Variants in PTPN4 observed in about 807,000 individuals in gnomAD.
PTPN4 encodes the protein protein tyrosine phosphatase non-receptor type 4, also known as tyrosine-protein phosphatase non-receptor type 4.
A neutral mutation model predicts 135.5 loss-of-function variants in PTPN4; 49 were observed. The observed-to-expected ratio is 0.36, with a 90% CI of 0.29 to 0.46. PTPN4 has a LOEUF of 0.46. PTPN4 is among the 20% of genes least tolerant of loss of function. The pLI is 1.00. For missense variants in PTPN4, 860 were observed against 1,101.0 expected (o/e 0.78, Z 3.10); for synonymous variants, 333 against 369.9 (o/e 0.90, Z 1.14).
intron 8 of PTPN4, 97 bp downstream of exon 8, chr2:119,882,720 G>A: frequency 2.0e-6 from 2 of 999,114 alleles, no homozygotes; most frequent in South Asian, 2.1e-5. Context: ...ATTTAATATA[G>A]AACAATTACT....
chr2:119,912,610 C>CA lies in PTPN4; in HGVS notation c.765-2561dup, dbSNP rs199723262. On this transcript the variant is annotated intron_variant, in intron 10 of 26. Coordinates refer to ENST00000263708, the MANE Select transcript of PTPN4 (RefSeq NM_002830.4). ...GAAACAGAAAACTTTGGACAAGTAG[C>CA]AAAAAAAATTATGGTAGAGATAAAT... Among the ~76,000 whole-genome samples, 389 of 151,144 alleles carry CA rather than the reference C, an allele frequency of 2.6e-3. 1 individual carries two copies. Among genetic ancestry groups the CA allele is most frequent in the East Asian group, 0.013 (68 of 5,152 alleles).
At chr2:119,846,098 A>G (rs1677495067) in intron 2 of PTPN4, among the ~76,000 whole-genome samples, 1 of 152,148 alleles carries the variant, frequency 6.6e-6, no homozygotes, top group Non-Finnish European at 1.5e-5. Flanking sequence ...GGTTTATTTC[A>G]TGGCCTACCA....
At chr2:119,879,449 G>A (rs72969197) in intron 5 of PTPN4, among the ~76,000 whole-genome samples, 3,855 of 152,274 alleles carry the variant, frequency 0.025, 166 homozygotes, top group African/African-American at 0.087. Flanking sequence ...TGGGGTAAAT[G>A]TCTAGTTTTT....
intron 1 of PTPN4, among the ~76,000 whole-genome samples, chr2:119,774,556 A>G (rs1442223009): frequency 1.3e-5 from 2 of 152,228 alleles, no homozygotes; most frequent in Non-Finnish European, 2.9e-5. Context: ...ATTTGAGTAA[A>G]AGCAAAGTCA....
chr2:119,770,358 T>C (rs1278574876), intron 1 of PTPN4, among the ~76,000 whole-genome samples: 3 of 152,234 alleles, frequency 2.0e-5, no homozygotes, highest in Non-Finnish European at 2.9e-5. Flanking sequence ...TTTAAAATTG[T>C]ATTTAAATTG....
intron 5 of PTPN4, among the ~76,000 whole-genome samples, chr2:119,879,643 A>G (rs984782131): frequency 1.3e-5 from 2 of 152,224 alleles, no homozygotes; most frequent in Non-Finnish European, 2.9e-5. Context: ...TGATTCTAAT[A>G]TATAGCCAAG....
intron 26 of PTPN4, among the ~76,000 whole-genome samples, chr2:119,973,652 C>CTTTTTTTTTTTTTTTTTTTTT (rs1553481271): frequency 1.1e-4 from 2 of 18,090 alleles, no homozygotes; most frequent in African/African-American, 4.9e-4. Context: ...TCCTTCATTT[C>CTTTTTTTTTTTTTTTTTTTTT]TTGTTTTTTT....
intron 1 of PTPN4, among the ~76,000 whole-genome samples, chr2:119,769,699 A>G (rs755947160): frequency 2.0e-5 from 3 of 152,268 alleles, no homozygotes; most frequent in Non-Finnish European, 4.4e-5. Context: ...TTCAAGGGTT[A>G]CATACACCTT....
intron 3 of PTPN4, among the ~76,000 whole-genome samples, chr2:119,866,035 G>A (rs536597308): frequency 6.6e-6 from 1 of 152,134 alleles, no homozygotes; most frequent in Admixed American, 6.5e-5. Flanking sequence ...TTTAAAGCCT[G>A]TTTATCACAG....
chr2:119,793,644 G>C (rs898292532), intron 1 of PTPN4, among the ~76,000 whole-genome samples: 1 of 152,082 alleles, frequency 6.6e-6, no homozygotes, highest in Non-Finnish European at 1.5e-5. Flanking sequence ...TATTAAAGTC[G>C]GGCGTAAGAA....
intron 24 of PTPN4, among the ~76,000 whole-genome samples, chr2:119,963,527 C>A (rs930916973): frequency 5.3e-5 from 8 of 152,130 alleles, no homozygotes; most frequent in Non-Finnish European, 1.2e-4. Flanking sequence ...AATGGTCAAG[C>A]CTTTGGAAAT....
rs534504527 is a variant in PTPN4 at position 119,837,770 on chromosome 2, A to G, written c.139-24766A>G. On this transcript the variant is annotated intron_variant, in intron 2 of 26. Coordinates refer to ENST00000263708, the MANE Select transcript of PTPN4 (RefSeq NM_002830.4). ...TCTTTGGGGTTCTTGTGTTCCTGGCATCTCCAAGCTTCCAGGCACCACCGT... is the reference window on the plus strand; with the variant it reads ...TCTTTGGGGTTCTTGTGTTCCTGGCGTCTCCAAGCTTCCAGGCACCACCGT... 1.1e-3 allele frequency among the ~76,000 whole-genome samples: 172 copies of G among 151,866 alleles called. 1 individual carries two copies. The highest frequency in any genetic ancestry group is 2.7e-3 in the South Asian group (13 of 4,822).
chr2:119,774,181 A>C (rs1205711400), intron 1 of PTPN4, among the ~76,000 whole-genome samples: 1 of 152,202 alleles, frequency 6.6e-6, no homozygotes, highest in Admixed American at 6.5e-5. Flanking sequence ...GCAAATCATA[A>C]ACCTTGAATA....
chr2:119,958,136 A>G (rs532658040), intron 22 of PTPN4, among the ~76,000 whole-genome samples: 7 of 152,152 alleles, frequency 4.6e-5, no homozygotes, highest in African/African-American at 1.7e-4. Context: ...AGCCTCGGCA[A>G]CATATTGAGA....
intron 1 of PTPN4, among the ~76,000 whole-genome samples, chr2:119,799,733 C>T (rs531403838): frequency 5.3e-5 from 8 of 152,176 alleles, no homozygotes; most frequent in African/African-American, 1.4e-4. Flanking sequence ...ACACAGGAAA[C>T]GGAAAAGAAG....
chr2:119,872,055 A>C (rs974860296), intron 3 of PTPN4, among the ~76,000 whole-genome samples: 19 of 152,312 alleles, frequency 1.2e-4, no homozygotes, highest in African/African-American at 4.6e-4. Flanking sequence ...GGATTTATTG[A>C]ACCCCACTAG....
At chr2:119,957,197 A>T in intron 22 of PTPN4, 120 bp downstream of exon 22, 2 of 918,596 alleles carry the variant, frequency 2.2e-6, no homozygotes, top group Non-Finnish European at 1.6e-6. Flanking sequence ...GCTATGAAAA[A>T]TATTATTGAA....
chr2:119,966,349 C>T (rs1029315121), intron 25 of PTPN4, among the ~76,000 whole-genome samples: 6 of 152,122 alleles, frequency 3.9e-5, no homozygotes, highest in Admixed American at 2.0e-4. Context: ...ACCTCTGCCT[C>T]CCAGGCTCAA....
At chr2:119,764,413 G>A (rs938988725) in intron 1 of PTPN4, among the ~76,000 whole-genome samples, 5 of 152,022 alleles carry the variant, frequency 3.3e-5, no homozygotes, top group South Asian at 2.1e-4. Context: ...TTTCTCATTC[G>A]TGCTTAAAAA....
Sources: gnomAD v4.1 joint callset for allele counts (sites outside exome capture counted in the v4.1 genomes callset) on GRCh38, gnomAD v4.1.1 for gene constraint, MANE v1.5 for transcripts, NCBI Gene and HGNC (gene_info 2026-07-23, HGNC 2026-07-21) for gene names.